The following TM9SF2 variants were observed in gnomAD, a reference collection of about 807,000 sequenced individuals.
TM9SF2 encodes the protein transmembrane 9 superfamily member 2.
A neutral mutation model predicts 84.9 loss-of-function variants in TM9SF2; 13 were observed. That is an observed-to-expected ratio of 0.15 (90% CI 0.10 to 0.24). The LOEUF is 0.24. TM9SF2 is among the 10% of genes least tolerant of loss of function. The pLI, the probability that TM9SF2 is intolerant of heterozygous loss-of-function variation, is 1.00. For synonymous variants in TM9SF2, 273 were observed against 285.8 expected (o/e 0.96, Z 0.45); for missense variants, 562 against 818.5 (o/e 0.69, Z 3.82).
chr13:99,543,798 C>A, intron 9 of TM9SF2, 65 bp from the exon 10 acceptor site: 1 of 1,547,022 alleles, frequency 6.5e-7, no homozygotes, highest in South Asian at 1.2e-5. Context: ...CAACAGTGAA[C>A]AAACTGTCTA....
intron 13 of TM9SF2, among the ~76,000 whole-genome samples, chr13:99,553,899 G>T (rs548188503): frequency 1.3e-5 from 2 of 152,116 alleles, no homozygotes; most frequent in African/African-American, 4.8e-5. Flanking sequence ...ATGACATTGC[G>T]CACCTCCAAA....
chr13:99,559,596 ATGTT>A, intron 16 of TM9SF2, 62 bp downstream of exon 16: 1 of 1,435,146 alleles, frequency 7.0e-7, no homozygotes, highest in Non-Finnish European at 9.3e-7. Context: ...TAACTTATAA[ATGTT>A]TGTCTTTTTT....
At chr13:99,514,683 G>A (rs1031458986) in intron 1 of TM9SF2, among the ~76,000 whole-genome samples, 1 of 152,222 alleles carries the variant, frequency 6.6e-6, no homozygotes, top group African/African-American at 2.4e-5. Context: ...CTAACACAGA[G>A]GCCGTTAGCC....
intron 1 of TM9SF2, 39 bp from the exon 2 acceptor site, chr13:99,517,574 CT>C: frequency 7.3e-7 from 1 of 1,366,500 alleles, no homozygotes; most frequent in Non-Finnish European, 1.0e-6. Flanking sequence ...GCTTTGTGTC[CT>C]GTTGTTTATA....
At chr13:99,506,301 ATG>A (rs765412421) in intron 1 of TM9SF2, among the ~76,000 whole-genome samples, 2 of 152,200 alleles carry the variant, frequency 1.3e-5, no homozygotes, top group African/African-American at 2.4e-5. Context: ...AAAAATCTGT[ATG>A]TGTATTTATT....
Position 99,549,277 on chromosome 13 carries a change from A to C in TM9SF2, c.1328+55A>C, listed in dbSNP as rs2046296019. On this transcript the variant is annotated intron_variant, in intron 12 of 16. Coordinates refer to ENST00000376387, the MANE Select transcript of TM9SF2 (RefSeq NM_004800.3). The stretch of plus-strand genomic sequence containing the variant: ...TAACATAGTTACATGTTAGTCCCCA[A>C]ATTTTCAGTCGTTGAGTCTTTAATC... 3.4e-6 allele frequency: 5 copies of C among 1,462,534 alleles called. No homozygotes were observed. In the African/African-American group the frequency reaches 4.2e-5, roughly 12 times the overall value. The allele number at this position is 1,462,534 out of a possible 1,614,324, so 90.6% of individuals were successfully genotyped here. A position where few individuals can be genotyped will look rare whatever the true frequency, so the allele number is the denominator to read the frequency against.
intron 12 of TM9SF2, among the ~76,000 whole-genome samples, chr13:99,551,580 T>C (rs2046305755): frequency 6.6e-6 from 1 of 152,182 alleles, no homozygotes. Context: ...GCTTAAAAAC[T>C]GTGTGGGGGA....
rs1211140036 is a variant in TM9SF2 at position 99,554,167 on chromosome 13, T to G, written c.1489-137T>G. The G allele has an allele frequency of 4.9e-6, 5 of 1,028,822 alleles. No individual in the cohort carries two copies. In the African/African-American group the frequency reaches 8.1e-5, roughly 17 times the overall value. The allele number at this position is 1,028,822 out of a possible 1,614,324, so 63.7% of individuals were successfully genotyped here. A position where few individuals can be genotyped will look rare whatever the true frequency, so the allele number is the denominator to read the frequency against. ...ATGGCTTCCAAAGACAAATTTCAGT[T>G]TGATGTCTTAAGTAGACTTTATTGC... On this transcript the variant is annotated intron_variant, in intron 13 of 16. Transcript: ENST00000376387.
chr13:99,547,137 C>G (rs770961200), intron 11 of TM9SF2, 33 bp downstream of exon 11: 7 of 1,609,220 alleles, frequency 4.3e-6, no homozygotes, highest in Non-Finnish European at 6.0e-6. Context: ...GGCGTCTGAT[C>G]AGGAAGGGAC....
chr13:99,557,495 T>G (rs1417666035), intron 15 of TM9SF2, among the ~76,000 whole-genome samples: 1 of 152,226 alleles, frequency 6.6e-6, no homozygotes, highest in Non-Finnish European at 1.5e-5. Flanking sequence ...GATAATGTCC[T>G]TTGCACAAAA....
intron 4 of TM9SF2, among the ~76,000 whole-genome samples, chr13:99,536,012 C>T (rs1483378041): frequency 6.6e-6 from 1 of 152,082 alleles, no homozygotes; most frequent in Non-Finnish European, 1.5e-5. Context: ...ACTTTTCCTC[C>T]TGGCTCTTTA....
intron 1 of TM9SF2, among the ~76,000 whole-genome samples, chr13:99,504,796 T>C (rs2046081710): frequency 6.6e-6 from 1 of 152,206 alleles, no homozygotes; most frequent in African/African-American, 2.4e-5. Context: ...GTGCGTGCAT[T>C]TGGATATTGA....
intron 3 of TM9SF2, among the ~76,000 whole-genome samples, chr13:99,522,339 C>G (rs373938598): frequency 1.3e-5 from 2 of 152,122 alleles, no homozygotes; most frequent in African/African-American, 4.8e-5. Context: ...ATATTCTAAT[C>G]TGAAATTGTC....
At chr13:99,515,652 AG>A (rs1169220541) in intron 1 of TM9SF2, among the ~76,000 whole-genome samples, 1 of 152,006 alleles carries the variant, frequency 6.6e-6, no homozygotes, top group Non-Finnish European at 1.5e-5. Context: ...ACAAATGCAT[AG>A]CATTTCATGT....
At chr13:99,530,711 G>A (rs1351442343) in intron 4 of TM9SF2, among the ~76,000 whole-genome samples, 3 of 152,096 alleles carry the variant, frequency 2.0e-5, no homozygotes, top group Non-Finnish European at 4.4e-5. Flanking sequence ...CAAATAAAAC[G>A]CTTACATTTT....
chr13:99,543,815 T>C, intron 9 of TM9SF2, 48 bp from the exon 10 acceptor site: 1 of 1,600,994 alleles, frequency 6.2e-7, no homozygotes, highest in Non-Finnish European at 8.5e-7. Context: ...TCTATAGTTG[T>C]CTTGTTGATA....
At chr13:99,513,912 TA>T (rs34712338) in intron 1 of TM9SF2, among the ~76,000 whole-genome samples, 73,101 of 151,990 alleles carry the variant, frequency 0.48, 19,484 homozygotes, top group East Asian at 0.68. Flanking sequence ...CTGTAAAGCC[TA>T]AGACATTACT....
At position 99,563,403 on chromosome 13, in the gene TM9SF2, A is replaced by C. The variant is rs2046352343; in HGVS notation, c.*645A>C. ...ATTATAAAAATGTCTTCATTGCATCATTACCTATTATATATTCAAGGAGGT... is the reference window on the plus strand; with the variant it reads ...ATTATAAAAATGTCTTCATTGCATCCTTACCTATTATATATTCAAGGAGGT... On this transcript the variant is annotated 3_prime_UTR_variant, in exon 17 of 17. Coordinates refer to ENST00000376387, the MANE Select transcript of TM9SF2 (RefSeq NM_004800.3). 1 of 152,210 alleles carries C rather than the reference A, an allele frequency of 6.6e-6. No homozygotes were observed. The highest frequency in any genetic ancestry group is 1.9e-4 in the East Asian group (1 of 5,204). The allele number at this position is 152,210 out of a possible 1,614,324, so 9.4% of individuals were successfully genotyped here.
Position 99,559,420 on chromosome 13 carries a change from T to G in TM9SF2, c.1810T>G (p.Leu604Val). ...LTSGFTAVYF[L>V]IYAVHYFFSK... ...GAGTGGCTTTACTGCAGTTTATTTC[T>G]TAATCTATGCAGTACACTACTTCTT... The change falls in exon 16 of 17, where the codon TTA (leucine) becomes GTA (valine). Residue 604 changes from leucine to valine, a missense_variant. By Grantham distance (32) the Leu-to-Val change is conservative. Transcript: ENST00000376387. The G allele has an allele frequency of 6.2e-7, 1 of 1,611,972 alleles. No individual in the cohort carries two copies. The highest frequency in any genetic ancestry group is 8.5e-7 in the Non-Finnish European group (1 of 1,179,110).
Sources: gnomAD v4.1 joint callset for allele counts (sites outside exome capture counted in the v4.1 genomes callset) on GRCh38, gnomAD v4.1.1 for gene constraint, MANE v1.5 for transcripts, NCBI Gene and HGNC (gene_info 2026-07-23, HGNC 2026-07-21) for gene names.